Variants in MLLT6 observed in about 807,000 individuals in gnomAD.
The protein encoded by MLLT6 is protein AF-17.
In MLLT6, 22 loss-of-function variants were observed where a neutral mutation model predicts 103.0. The ratio of observed to expected loss-of-function variants is 0.21; its 90% CI spans 0.15 to 0.31. The LOEUF (loss-of-function observed/expected upper bound fraction) is 0.31, where lower values mean the gene tolerates loss of function less well. MLLT6 is among the 10% of genes least tolerant of loss of function. MLLT6 has a pLI of 1.00. For synonymous variants in MLLT6, 606 were observed against 623.5 expected, an observed-to-expected ratio of 0.97 and a Z score of 0.42; for missense variants, 1,199 against 1,441.7, an observed-to-expected ratio of 0.83 and a Z score of 2.73.
rs773050949 is a variant in MLLT6, at chr17:38,716,644, G to A, written c.1314G>A (p.Ser438=). The A allele has an allele frequency of 1.1e-5, 18 of 1,613,634 alleles. No homozygotes were observed. Among genetic ancestry groups the A allele is most frequent in the Admixed American group, 1.0e-4 (6 of 60,014 alleles). The change falls in exon 10 of 20, where the codon TCG becomes TCA. Residue 438 remains serine (S), a synonymous_variant. Transcript: ENST00000621332. The surrounding 1 kb of genome is among the most constrained non-coding windows in gnomAD (Gnocchi z 5.6). ...CCCACGTCACGGGGTCTGGGGCCTC[G>A]GCAGGCACCCACAAACGGATGCCCG... The part of the protein sequence containing the change: ...KSPHVTGSGA[S]AGTHKRMPAL...
chr17:38,720,330 C>CCCCCCCCCCCCCCCCCCCAA, intron 14 of MLLT6, 42 bp from the exon 15 acceptor site: 1 of 1,345,538 alleles, frequency 7.4e-7, no homozygotes, highest in Non-Finnish European at 1.0e-6. Flanking sequence ...GCCCCGCCTC[C>CCCCCCCCCCCCCCCCCCCAA]GCCCCCTCGC....
At position 38,720,397 on chromosome 17, in the gene MLLT6, C is replaced by A. The variant is rs1379651640; in HGVS notation, c.2181C>A (p.His727Gln). 6.2e-7 allele frequency: 1 copy of A among 1,611,758 alleles called. No homozygotes were observed. Among genetic ancestry groups the A allele is most frequent in the South Asian group, 1.1e-5 (1 of 91,060 alleles). Residue 727 changes from histidine to glutamine, a missense_variant, in exon 15 of 20, where the codon CAC becomes CAA. His to Gln is a conservative substitution (Grantham distance 24). Coordinates refer to ENST00000621332, the MANE Select transcript of MLLT6 (RefSeq NM_005937.4). Reference protein sequence around the residue: ...VNIVEMLKALHALQKENQRLQ... With the variant: ...VNIVEMLKALQALQKENQRLQ... ...TCGTGGAGATGCTGAAGGCGCTGCA[C>A]GCGCTGCAGAAGGAGAACCAGCGGC...
intron 18 of MLLT6, among the ~76,000 whole-genome samples, chr17:38,723,331 C>A (rs1422787025): frequency 6.6e-6 from 1 of 152,074 alleles, no homozygotes; most frequent in Non-Finnish European, 1.5e-5. Context: ...GAAACTGAGT[C>A]TCTACAAAAA....
chr17:38,705,874 T>G (rs1353420103), intron 1 of MLLT6, 133 bp downstream of exon 1: 6 of 296,154 alleles, frequency 2.0e-5, no homozygotes, highest in African/African-American at 1.4e-4. Context: ...AAGGGAGGCG[T>G]AGGGGGAGCT....
Position 38,720,592 on chromosome 17 carries a change from G to A in MLLT6, c.2353+23G>A, listed in dbSNP as rs375601078. The A allele has an allele frequency of 3.0e-5, 49 of 1,612,580 alleles. No homozygotes were observed. The African/African-American group carries it at 5.3e-4, about 18-fold the overall frequency. ...AAGGTGAGGGGATCCTGCCCAGCCC[G>A]GGAGAGAGGCCCGTGCCCTGAAGTC... On this transcript the variant is annotated intron_variant, in intron 15 of 19. Coordinates refer to ENST00000621332, the MANE Select transcript of MLLT6 (RefSeq NM_005937.4).
At position 38,709,078 on chromosome 17, in the gene MLLT6, CTG is replaced by C. The variant is rs1225262878; in HGVS notation, c.355-93_355-92del. The C allele has an allele frequency of 1.1e-6, 1 of 896,772 alleles. No homozygotes were observed. The highest frequency in any genetic ancestry group is 1.8e-6 in the Non-Finnish European group (1 of 566,154). 55.6% of individuals were successfully genotyped at this position (896,772 alleles called of 1,614,324 possible). On this transcript the variant is annotated intron_variant, in intron 4 of 19. Transcript: ENST00000621332. The surrounding 1 kb of genome is among the most constrained non-coding windows in gnomAD (Gnocchi z 4.3). Reference sequence around the variant, plus strand: ...TCTGTGGGATAGCACTGATCTAAGACTGTAGAGAGCAAATGGAATGGAGGGGG... The same window carrying C: ...TCTGTGGGATAGCACTGATCTAAGACTAGAGAGCAAATGGAATGGAGGGGG...
rs1266795003 is a variant in MLLT6, at chr17:38,707,644, C to T, written c.244+104C>T. 3.7e-6 allele frequency: 5 copies of T among 1,335,242 alleles called. No individual in the cohort carries two copies. The Admixed American group carries it at 8.7e-5, about 23-fold the overall frequency. 82.7% of individuals were successfully genotyped at this position (1,335,242 alleles called of 1,614,324 possible). On this transcript the variant is annotated intron_variant, in intron 3 of 19. Transcript: ENST00000621332. ...TGGAGGCCGGGTTTCCTTTCCCTGG[C>T]TGGCGCTGGAATCTGATGGGAAGGC...
In MLLT6 at chr17:38,716,572, C is replaced by T. The variant is rs1039491087; in HGVS notation, c.1242C>T (p.Ser414=). The change falls in exon 10 of 20, where the codon TCC becomes TCT. Residue 414 remains serine, a synonymous_variant. Coordinates refer to ENST00000621332, the MANE Select transcript of MLLT6 (RefSeq NM_005937.4). The surrounding 1 kb of genome is among the most constrained non-coding windows in gnomAD (Gnocchi z 5.6). The part of the protein sequence containing the change: ...GPIMRFSTTT[S]SSGRARAPSP... ...TCATGCGCTTCTCCACCACCACCTC[C>T]AGCTCAGGCCGGGCCCGGGCGCCCT... 1.2e-5 allele frequency: 19 copies of T among 1,614,004 alleles called. No individual in the cohort carries two copies. Among genetic ancestry groups the T allele is most frequent in the Non-Finnish European group, 1.5e-5 (18 of 1,180,044 alleles).
rs372101926 is a variant in MLLT6, at chr17:38,707,887, G to A, written c.354+15G>A. 5 of 1,523,318 alleles carry A rather than the reference G, an allele frequency of 3.3e-6. No individual in the cohort carries two copies. In the South Asian group the frequency reaches 3.4e-5, roughly 10 times the overall value. 94.4% of individuals were successfully genotyped at this position (1,523,318 alleles called of 1,614,324 possible). On this transcript the variant is annotated intron_variant, in intron 4 of 19. Coordinates refer to ENST00000621332, the MANE Select transcript of MLLT6 (RefSeq NM_005937.4). ...GCTTCAACAAGGTCAGCGGCCCCCC[G>A]CCGTGTCCCCTACCAGTTCCCTCCC...
intron 13 of MLLT6, 43 bp from the exon 14 acceptor site, chr17:38,719,707 G>A: frequency 6.3e-7 from 1 of 1,592,730 alleles, no homozygotes; most frequent in South Asian, 1.1e-5. Context: ...AGAGGAGCCT[G>A]GAGTGGTCGG....
chr17:38,717,767 G>T (rs1179236410), intron 11 of MLLT6, 78 bp from the exon 12 acceptor site: 8 of 1,399,912 alleles, frequency 5.7e-6, no homozygotes, highest in African/African-American at 4.3e-5. Flanking sequence ...AGCACACCCG[G>T]CCCCCTGCAC....
chr17:38,708,700 G>A (rs11657029), intron 4 of MLLT6, among the ~76,000 whole-genome samples: 28,449 of 152,012 alleles, frequency 0.19, 2,789 homozygotes, highest in African/African-American at 0.25. Flanking sequence ...GTTTGAGACC[G>A]GCCTGGTCAA....
chr17:38,719,062 G>A (rs12451380), intron 12 of MLLT6: 38,063 of 213,448 alleles, frequency 0.18, 4,890 homozygotes, highest in East Asian at 0.54. Context: ...CAGTCATTAA[G>A]GGCTTGCTAC....
Position 38,711,991 on chromosome 17 carries a change from C to T in MLLT6, c.697C>T (p.His233Tyr). ...CACGCAGCAGGAGAAGCACCCCACC[C>T]ACCACGAGAGGGGCCAGAAGAAGGT... is the stretch of plus-strand genomic sequence containing the variant. ...PSTQQEKHPT[H>Y]HERGQKKSRK... is the part of the protein sequence containing the mutation. The change falls in exon 7 of 20, where the codon CAC becomes TAC. Residue 233 changes from histidine to tyrosine, a missense_variant. By Grantham distance (83) the His-to-Tyr change is moderately conservative (BLOSUM62 2). Transcript: ENST00000621332. 6.3e-7 allele frequency: 1 copy of T among 1,596,972 alleles called. No homozygotes were observed. Among genetic ancestry groups the T allele is most frequent in the Non-Finnish European group, 8.5e-7 (1 of 1,170,666 alleles).
Position 38,709,636 on chromosome 17 carries a change from C to A in MLLT6, c.552+61C>A. On this transcript the variant is annotated intron_variant, in intron 6 of 19. Transcript: ENST00000621332. This position sits in a 1 kb window ranked among gnomAD's most constrained non-coding sequence, Gnocchi z 4.3. Reference sequence around the variant, plus strand: ...CAGCTGTGGTAAGATGGTTAGAGGGCATGGGCTCTGGGCCAGGCCAGTGCC... The same window carrying A: ...CAGCTGTGGTAAGATGGTTAGAGGGAATGGGCTCTGGGCCAGGCCAGTGCC... 1 of 1,374,040 alleles carries A rather than the reference C, an allele frequency of 7.3e-7. No homozygotes were observed. 85.1% of individuals were successfully genotyped at this position (1,374,040 alleles called of 1,614,324 possible). A position where few individuals can be genotyped will look rare whatever the true frequency, so the allele number is the denominator to read the frequency against.
Position 38,724,673 on chromosome 17 carries a change from G to A in MLLT6, c.2937G>A (p.Glu979=), listed in dbSNP as rs779450552. The change falls in exon 19 of 20, where the codon GAG becomes GAA. Residue 979 remains glutamate (E), a synonymous_variant. Transcript: ENST00000621332. The surrounding 1 kb of genome is among the most constrained non-coding windows in gnomAD (Gnocchi z 5.4). ...QMIQQIQQKR[E]LQRLQMAGGS... ...TCCAGCAGATCCAGCAGAAACGGGAGCTGCAGCGCCTGCAGATGGCTGGGG... is the reference window on the plus strand; with the variant it reads ...TCCAGCAGATCCAGCAGAAACGGGAACTGCAGCGCCTGCAGATGGCTGGGG... 1.2e-6 allele frequency: 2 copies of A among 1,612,216 alleles called. No homozygotes were observed. Among genetic ancestry groups the A allele is most frequent in the Non-Finnish European group, 1.7e-6 (2 of 1,179,284 alleles).
In MLLT6 at chr17:38,720,698, C is replaced by A; in HGVS notation, c.2393C>A (p.Pro798Gln). The A allele has an allele frequency of 6.2e-7, 1 of 1,613,874 alleles. No individual in the cohort carries two copies. The highest frequency in any genetic ancestry group is 8.5e-7 in the Non-Finnish European group (1 of 1,180,028). ...SDSLSTSKSPPGKSSLGLDNS... is the reference protein window; with the variant it reads ...SDSLSTSKSPQGKSSLGLDNS... ...TCCTTGAGCACCAGCAAGAGCCCTC[C>A]GGGAAAGAGCAGCCTCGGCCTGGAC... The change falls in exon 16 of 20, where the codon CCG becomes CAG. Residue 798 changes from proline (P) to glutamine (Q), a missense_variant. By Grantham distance (76) the Pro-to-Gln change is moderately conservative. Transcript: ENST00000621332.
chr17:38,725,827 C>T lies in MLLT6; in HGVS notation c.*229C>T, dbSNP rs1031511080. On this transcript the variant is annotated 3_prime_UTR_variant, in exon 20 of 20. Transcript: ENST00000621332. ...TCCGCACTGTCCGCTTTGTGAGGCTCAGAGGAAGGACAGTCTGCAAGCCCG... is the reference window on the plus strand; with the variant it reads ...TCCGCACTGTCCGCTTTGTGAGGCTTAGAGGAAGGACAGTCTGCAAGCCCG... 40 of 501,944 alleles carry T rather than the reference C, an allele frequency of 8.0e-5. No homozygotes were observed. The African/African-American group carries it at 8.1e-4, about 10-fold the overall frequency. 31.1% of individuals were successfully genotyped at this position (501,944 alleles called of 1,614,324 possible). A position where few individuals can be genotyped will look rare whatever the true frequency, so the allele number is the denominator to read the frequency against.
rs1416103855 is a variant in MLLT6, at chr17:38,722,190, G to A, written c.2755G>A (p.Gly919Arg). The A allele has an allele frequency of 6.6e-6, 9 of 1,365,402 alleles. No homozygotes were observed. Among genetic ancestry groups the A allele is most frequent in the South Asian group, 5.2e-5 (3 of 57,880 alleles). 84.6% of individuals were successfully genotyped at this position (1,365,402 alleles called of 1,614,324 possible). Residue 919 changes from glycine to arginine, a missense_variant, in exon 17 of 20, where the codon GGG (glycine) becomes AGG (arginine). Coordinates refer to ENST00000621332, the MANE Select transcript of MLLT6 (RefSeq NM_005937.4). Reference sequence around the variant, plus strand: ...CCCCGCAAGCTTGAGCCAGGCTGGCGGGGCCCCCACGCTGCAGCTGCCAGG... The same window carrying A: ...CCCCGCAAGCTTGAGCCAGGCTGGCAGGGCCCCCACGCTGCAGCTGCCAGG... ...PNPASLSQAGGAPTLQLPGCL... is the reference protein window; with the variant it reads ...PNPASLSQAGRAPTLQLPGCL...
Sources: gnomAD v4.1 joint callset for allele counts (sites outside exome capture counted in the v4.1 genomes callset) on GRCh38, gnomAD v4.1.1 for gene constraint, Gnocchi (gnomAD v3.1) non-coding constraint, MANE v1.5 for transcripts, NCBI Gene and HGNC (gene_info 2026-07-23, HGNC 2026-07-21) for gene names.